Variants in NELL2 observed in about 807,000 individuals in gnomAD.
The protein encoded by NELL2 is protein kinase C-binding protein NELL2.
A neutral mutation model predicts 109.6 loss-of-function variants in NELL2; 41 were observed. The ratio of observed to expected loss-of-function variants is 0.37; its 90% CI spans 0.29 to 0.49. The LOEUF (loss-of-function observed/expected upper bound fraction) is 0.49. Among genes scored for constraint, NELL2 ranks in the 20% least tolerant of loss-of-function variants. The pLI is 0.98. For missense variants in NELL2, 900 were observed against 1,008.3 expected (o/e 0.89, Z 1.45); for synonymous variants, 355 against 344.7 (o/e 1.03, Z -0.33).
intron 15 of NELL2, among the ~76,000 whole-genome samples, chr12:44,562,515 C>A (rs1470548507): frequency 6.6e-6 from 1 of 152,134 alleles, no homozygotes; most frequent in Non-Finnish European, 1.5e-5. Flanking sequence ...AAGATATGAA[C>A]AGACACTTCT....
chr12:44,541,359 A>T (rs1215250156), intron 15 of NELL2, among the ~76,000 whole-genome samples: 3 of 151,936 alleles, frequency 2.0e-5, no homozygotes, highest in Non-Finnish European at 4.4e-5. Context: ...TATTTCATCT[A>T]TAAAATAGGG....
chr12:44,523,586 AAATT>A, intron 16 of NELL2, 102 bp from the exon 17 acceptor site: 1 of 929,432 alleles, frequency 1.1e-6, no homozygotes, highest in Non-Finnish European at 1.6e-6. Context: ...ATTCAACTGT[AAATT>A]AATTTTCATC....
chr12:44,648,026 A>C (rs902002738), intron 13 of NELL2, among the ~76,000 whole-genome samples: 41 of 152,128 alleles, frequency 2.7e-4, no homozygotes, highest in African/African-American at 9.4e-4. Context: ...CTTCTGACTC[A>C]AAGTAGAAGA....
intron 13 of NELL2, among the ~76,000 whole-genome samples, chr12:44,615,402 T>C (rs932779966): frequency 2.0e-5 from 3 of 152,140 alleles, no homozygotes; most frequent in Non-Finnish European, 4.4e-5. Context: ...TCACATACTT[T>C]GTTACATATA....
chr12:44,588,330 G>A (rs1386598672), intron 15 of NELL2, among the ~76,000 whole-genome samples: 1 of 152,062 alleles, frequency 6.6e-6, no homozygotes, highest in African/African-American at 2.4e-5. Context: ...CCTCCTCTCT[G>A]AGGCAGCCTG....
Position 44,768,587 on chromosome 12 carries a change from C to T in NELL2, c.994+6160G>A, listed in dbSNP as rs116688174. Among the ~76,000 whole-genome samples, 856 of 152,024 alleles carry T rather than the reference C, an allele frequency of 5.6e-3. 7 individuals carry two copies. The highest frequency in any genetic ancestry group is 0.019 in the African/African-American group (800 of 41,472). The stretch of plus-strand genomic sequence containing the variant: ...TAAAGTAATTTTAGTGAGAAAAGAC[C>T]GTCCAGACCAAGGCTGGATATGTGA... On this transcript the variant is annotated intron_variant, in intron 9 of 19. Transcript: ENST00000429094.
intron 3 of NELL2, among the ~76,000 whole-genome samples, chr12:44,780,809 A>G (rs1941930736): frequency 6.6e-6 from 1 of 152,062 alleles, no homozygotes; most frequent in Non-Finnish European, 1.5e-5. Context: ...TCAGAAATAA[A>G]AGAAGCTTCC....
At chr12:44,791,020 A>G (rs1191640632) in intron 3 of NELL2, among the ~76,000 whole-genome samples, 1 of 139,202 alleles carries the variant, frequency 7.2e-6, no homozygotes, top group Non-Finnish European at 1.5e-5. Flanking sequence ...TAAAACAATT[A>G]CTAATGACCT....
chr12:44,607,004 G>A (rs540691318), intron 15 of NELL2, among the ~76,000 whole-genome samples, 165 bp downstream of exon 15: 1 of 152,112 alleles, frequency 6.6e-6, no homozygotes, highest in Non-Finnish European at 1.5e-5. Context: ...ATCGCCCAGC[G>A]AAATGCATCA....
At chr12:44,832,331 A>G (rs1943914867) in intron 2 of NELL2, among the ~76,000 whole-genome samples, 2 of 152,250 alleles carry the variant, frequency 1.3e-5, no homozygotes, top group South Asian at 4.1e-4. Flanking sequence ...AGTTAAAGCA[A>G]GTACTAGATG....
At chr12:44,654,486 C>T (rs1947419474) in intron 13 of NELL2, among the ~76,000 whole-genome samples, 1 of 152,190 alleles carries the variant, frequency 6.6e-6, no homozygotes, top group African/African-American at 2.4e-5. Flanking sequence ...GTGTAATCCC[C>T]TTCGGTTTAG....
chr12:44,882,315 C>T (rs557694674), intron 1 of NELL2, among the ~76,000 whole-genome samples: 3 of 151,070 alleles, frequency 2.0e-5, no homozygotes, highest in Non-Finnish European at 4.4e-5. Context: ...TGGATTAAAA[C>T]AACACAGATT....
At chr12:44,681,788 G>A (rs996258617) in intron 12 of NELL2, among the ~76,000 whole-genome samples, 2 of 152,086 alleles carry the variant, frequency 1.3e-5, no homozygotes, top group African/African-American at 4.8e-5. Context: ...TGGTGTATAT[G>A]TGCCACATTT....
At chr12:44,804,242 C>T (rs542205218) in intron 3 of NELL2, among the ~76,000 whole-genome samples, 233 of 151,950 alleles carry the variant, frequency 1.5e-3, no homozygotes, top group African/African-American at 5.3e-3. Flanking sequence ...AAGATGACAG[C>T]ATGTCAATCA....
chr12:44,815,376 T>C (rs756500199), intron 3 of NELL2, among the ~76,000 whole-genome samples: 2 of 152,172 alleles, frequency 1.3e-5, no homozygotes, highest in African/African-American at 4.8e-5. Flanking sequence ...ACCCAGACAA[T>C]TTTACAAAGC....
chr12:44,915,795 T>A (rs1945824443), upstream of NELL2, among the ~76,000 whole-genome samples: 1 of 151,110 alleles, frequency 6.6e-6, no homozygotes, highest in African/African-American at 2.4e-5. Flanking sequence ...CAAAAAAAAA[T>A]GGGGAAAATA....
chr12:44,668,749 C>T (rs1477908841), intron 12 of NELL2, among the ~76,000 whole-genome samples: 1 of 152,088 alleles, frequency 6.6e-6, no homozygotes, highest in Non-Finnish European at 1.5e-5. Context: ...AACCCAGAAA[C>T]CAGCATGCCC....
intron 9 of NELL2, among the ~76,000 whole-genome samples, chr12:44,741,420 C>G (rs533362662): frequency 2.8e-4 from 43 of 152,250 alleles, no homozygotes; most frequent in African/African-American, 9.9e-4. Flanking sequence ...ACTGAAGTAC[C>G]GGGTTCATCC....
In NELL2 at chr12:44,857,820, C is replaced by T. The variant is rs188222798; in HGVS notation, c.184+17405G>A. Among the ~76,000 whole-genome samples the T allele has an allele frequency of 4.6e-5, 7 of 152,256 alleles. No individual in the cohort carries two copies. The East Asian group carries it at 1.4e-3, about 29-fold the overall frequency. On this transcript the variant is annotated intron_variant, in intron 2 of 19. Coordinates refer to ENST00000429094, the MANE Select transcript of NELL2 (RefSeq NM_001145108.2). ...CTTCCTTTCCTAATCTGCCATTTATCCTCATCCCTTTCTACCCAAATCCAT... is the reference window on the plus strand; with the variant it reads ...CTTCCTTTCCTAATCTGCCATTTATTCTCATCCCTTTCTACCCAAATCCAT...
Sources: gnomAD v4.1 joint callset for allele counts (sites outside exome capture counted in the v4.1 genomes callset) on GRCh38, gnomAD v4.1.1 for gene constraint, MANE v1.5 for transcripts, NCBI Gene and HGNC (gene_info 2026-07-23, HGNC 2026-07-21) for gene names.